The following CLVS1 variants were observed in gnomAD, a reference collection of about 807,000 sequenced individuals.
The protein encoded by CLVS1 is clavesin-1.
CLVS1 carries 10 observed loss-of-function variants against 33.1 expected under a neutral mutation model. The ratio of observed to expected loss-of-function variants is 0.30; its 90% CI spans 0.19 to 0.51. The LOEUF is 0.51. Ranked by LOEUF, CLVS1 falls within the 20% of genes least tolerant of loss-of-function variation. CLVS1 has a pLI of 0.97. For missense variants in CLVS1, 343 were observed against 433.4 expected, an observed-to-expected ratio of 0.79 and a Z score of 1.85; for synonymous variants, 163 against 166.1, an observed-to-expected ratio of 0.98 and a Z score of 0.14.
intron 1 of CLVS1, chr8:61,292,307 AC>A (rs748759993): frequency 6.6e-6 from 3 of 455,900 alleles, no homozygotes; most frequent in Non-Finnish European, 1.3e-5. Context: ...GATGTGTTTT[AC>A]TTTTCCCAGG....
chr8:60,998,809 C>T, the CLVS1 span, among the ~76,000 whole-genome samples: 1 of 152,320 alleles, frequency 6.6e-6, no homozygotes, highest in African/African-American at 2.4e-5. Context: ...GAGCATCTCA[C>T]CCAGTGTCAG....
At chr8:61,097,540 T>C (rs942389477) in intron 1 of CLVS1, among the ~76,000 whole-genome samples, 7 of 152,202 alleles carry the variant, frequency 4.6e-5, no homozygotes, top group Non-Finnish European at 8.8e-5. Context: ...GAGCACAGGC[T>C]ATTTTGTGGT....
intron 2 of CLVS1, among the ~76,000 whole-genome samples, chr8:61,319,597 T>A (rs915837580): frequency 1.3e-5 from 2 of 152,156 alleles, no homozygotes; most frequent in African/African-American, 4.8e-5. Flanking sequence ...ATCTGGTTAA[T>A]TTGCTCCATA....
At chr8:61,464,832 T>C (rs1817490263) in intron 5 of CLVS1, 1 of 152,300 alleles carries the variant, frequency 6.6e-6, no homozygotes, top group Non-Finnish European at 1.5e-5. Flanking sequence ...GGGCAGAGAC[T>C]GGAGAGGAGG....
rs1335499399 is a variant in CLVS1, at chr8:61,313,177, C to T, written c.455+12895C>T. ...TCAAACCCAGCGGGGAAGCTGGGAC[C>T]TCAGAGGAATCATCCTGCAGGTCTT... On this transcript the variant is annotated intron_variant, in intron 2 of 5. Coordinates refer to ENST00000325897, the MANE Select transcript of CLVS1 (RefSeq NM_173519.3). 2.6e-5 allele frequency among the ~76,000 whole-genome samples: 4 copies of T among 152,110 alleles called. No homozygotes were observed. The East Asian group carries it at 7.7e-4, about 29-fold the overall frequency.
intron 2 of CLVS1, among the ~76,000 whole-genome samples, chr8:61,338,941 A>G (rs1404884763): frequency 3.3e-5 from 5 of 151,576 alleles, no homozygotes; most frequent in Admixed American, 2.0e-4. Flanking sequence ...TCAGGTCAGT[A>G]GGCTTGGCCA....
rs1299332951 is a variant in CLVS1 at position 61,475,876 on chromosome 8, G to T, written c.977+17334G>T. ...TTAGTCAAGAAGTCCTTGCCCATGT[G>T]TATGTCCTGAATAGTATTGCCTAGG... On this transcript the variant is annotated intron_variant, in intron 5 of 5. Coordinates refer to ENST00000325897, the MANE Select transcript of CLVS1 (RefSeq NM_173519.3). Among the ~76,000 whole-genome samples the T allele has an allele frequency of 4.6e-5, 7 of 152,038 alleles. No homozygotes were observed. In the South Asian group the frequency reaches 6.2e-4, roughly 13 times the overall value.
intron 2 of CLVS1, among the ~76,000 whole-genome samples, chr8:61,212,256 G>A (rs1285865882): frequency 1.3e-5 from 2 of 152,232 alleles, no homozygotes; most frequent in Admixed American, 6.5e-5. Flanking sequence ...CTTTCCCAGG[G>A]AGGTAGTGTC....
intron 2 of CLVS1, among the ~76,000 whole-genome samples, chr8:61,363,176 G>A (rs1331793053): frequency 6.6e-6 from 1 of 152,108 alleles, no homozygotes; most frequent in Non-Finnish European, 1.5e-5. Flanking sequence ...TCTCTATTGA[G>A]AACAATCCCT....
chr8:61,179,415 C>G (rs111995581), intron 2 of CLVS1, among the ~76,000 whole-genome samples: 5,199 of 152,204 alleles, frequency 0.034, 99 homozygotes, highest in Middle Eastern at 0.041. Flanking sequence ...ACCCCACTGT[C>G]AATATTAGAC....
chr8:61,014,031 C>T, the CLVS1 span, among the ~76,000 whole-genome samples: 1 of 151,156 alleles, frequency 6.6e-6, no homozygotes, highest in Non-Finnish European at 1.5e-5. Flanking sequence ...TGCATATCCA[C>T]AGGACAAAGG....
chr8:61,353,519 G>A (rs1226087515), intron 2 of CLVS1, among the ~76,000 whole-genome samples: 1 of 151,560 alleles, frequency 6.6e-6, no homozygotes, highest in African/African-American at 2.4e-5. Context: ...AAGCCTCAAA[G>A]GAAAATTTAA....
At chr8:61,424,358 T>G (rs914653046) in intron 3 of CLVS1, among the ~76,000 whole-genome samples, 2 of 152,242 alleles carry the variant, frequency 1.3e-5, no homozygotes, top group African/African-American at 4.8e-5. Context: ...AATGAAAGAC[T>G]AATTCCTAAT....
At chr8:61,286,129 C>T (rs538835014), upstream of CLVS1, among the ~76,000 whole-genome samples, 2 of 151,866 alleles carry the variant, frequency 1.3e-5, no homozygotes, top group Non-Finnish European at 2.9e-5. Flanking sequence ...ACTGTGGCTT[C>T]TTCTTTGTTC....
rs116910871 is a variant in CLVS1, at chr8:61,083,514, A to G, written c.-243+26284A>G. Among the ~76,000 whole-genome samples, 709 of 152,272 alleles carry G rather than the reference A, an allele frequency of 4.7e-3. 3 individuals carry two copies. Among genetic ancestry groups the G allele is most frequent in the Non-Finnish European group, 7.5e-3 (513 of 68,014 alleles). ...GGAGAACACAAAGACTGAGACCTGG[A>G]CCCTAATGAAACTGAGCAACGGGAG... On this transcript the variant is annotated intron_variant, in intron 1 of 2. Transcript: ENST00000522621.
At position 61,432,967 on chromosome 8, in the gene CLVS1, G is replaced by A. The variant is rs149617821; in HGVS notation, c.631-21174G>A. 8.4e-3 allele frequency among the ~76,000 whole-genome samples: 1,280 copies of A among 152,154 alleles called. 12 individuals are homozygous for A. The highest frequency in any genetic ancestry group is 0.014 in the Non-Finnish European group (968 of 67,972). ...AAAGGAAAAAAGGGGAGGAGGGTAG[G>A]CAATGAGGCCAGTGCTCACTCTGTC... On this transcript the variant is annotated intron_variant, in intron 3 of 5. Coordinates refer to ENST00000325897, the MANE Select transcript of CLVS1 (RefSeq NM_173519.3).
chr8:61,470,723 C>T (rs904302143), intron 5 of CLVS1, among the ~76,000 whole-genome samples: 2 of 152,174 alleles, frequency 1.3e-5, no homozygotes, highest in Non-Finnish European at 2.9e-5. Context: ...TGGTAGAAGT[C>T]TCTCTGCAAT....
the CLVS1 span, among the ~76,000 whole-genome samples, chr8:61,040,035 C>G: frequency 6.6e-6 from 1 of 152,204 alleles, no homozygotes; most frequent in African/African-American, 2.4e-5. Context: ...AGCTGGTCCC[C>G]TTTTTGTGTC....
At chr8:61,385,381 T>C (rs748369971) in intron 3 of CLVS1, among the ~76,000 whole-genome samples, 1 of 152,250 alleles carries the variant, frequency 6.6e-6, no homozygotes, top group Non-Finnish European at 1.5e-5. Context: ...TACAAGTTTC[T>C]AGTCCTGTCA....
Sources: allele counts gnomAD v4.1 joint callset (sites outside exome capture counted in the v4.1 genomes callset), GRCh38; gene constraint gnomAD v4.1.1; transcripts MANE v1.5; gene names NCBI Gene and HGNC (gene_info 2026-07-23, HGNC 2026-07-21).